Variants in MARCHF1 observed in about 807,000 individuals in gnomAD.
The protein encoded by MARCHF1 is membrane associated ring-CH-type finger 1, also known as E3 ubiquitin-protein ligase MARCHF1.
Under a neutral mutation model 54.2 loss-of-function variants are expected in MARCHF1, and 40 were observed. The ratio of observed to expected loss-of-function variants is 0.74; its 90% CI spans 0.57 to 0.96. The LOEUF is 0.96. Ranked by LOEUF, MARCHF1 falls within the 40% of genes least tolerant of loss-of-function variation. The pLI is 0.00. For synonymous variants in MARCHF1, 236 were observed against 236.3 expected, an observed-to-expected ratio of 1.00 and a Z score of 0.01; for missense variants, 586 against 656.5, an observed-to-expected ratio of 0.89 and a Z score of 1.17.
intron 4 of MARCHF1, among the ~76,000 whole-genome samples, chr4:163,837,703 C>A (rs1042765942): frequency 1.4e-3 from 10 of 7,104 alleles, no homozygotes; most frequent in African/African-American, 3.2e-3. Flanking sequence ...GAAAAACCTA[C>A]AATCATAATG....
chr4:164,105,952 G>A (rs1374293492), intron 2 of MARCHF1, among the ~76,000 whole-genome samples: 75 of 146,530 alleles, frequency 5.1e-4, no homozygotes, highest in South Asian at 1.5e-3. Context: ...AAAAGTGGGC[G>A]AAGGACATGA....
At chr4:164,204,653 T>C (rs990498876) in intron 1 of MARCHF1, among the ~76,000 whole-genome samples, 1 of 152,206 alleles carries the variant, frequency 6.6e-6, no homozygotes, top group African/African-American at 2.4e-5. Context: ...TCAGAAACCC[T>C]GGAATCCTGA....
At chr4:163,633,594 T>C (rs886679375) in intron 5 of MARCHF1, among the ~76,000 whole-genome samples, 6 of 152,144 alleles carry the variant, frequency 3.9e-5, no homozygotes, top group African/African-American at 9.7e-5. Flanking sequence ...TATGGGACTA[T>C]GTAAAAAGAC....
At chr4:164,360,571 C>T (rs1183512185) in intron 1 of MARCHF1, among the ~76,000 whole-genome samples, 4 of 152,204 alleles carry the variant, frequency 2.6e-5, no homozygotes, top group African/African-American at 9.6e-5. Context: ...ATAGGCATCA[C>T]CCAAAGAGTT....
intron 1 of MARCHF1, among the ~76,000 whole-genome samples, chr4:164,199,925 A>G (rs1481120810): frequency 6.6e-6 from 1 of 152,104 alleles, no homozygotes; most frequent in Non-Finnish European, 1.5e-5. Context: ...TGCTCCAGCA[A>G]ACTATTGGAA....
chr4:163,789,782 T>C (rs1747723529), intron 4 of MARCHF1, among the ~76,000 whole-genome samples: 3 of 152,056 alleles, frequency 2.0e-5, no homozygotes, highest in Admixed American at 1.3e-4. Context: ...TTTTATTATT[T>C]GTGAATAAAT....
At chr4:164,177,388 A>G (rs1468024416) in intron 1 of MARCHF1, among the ~76,000 whole-genome samples, 1 of 152,190 alleles carries the variant, frequency 6.6e-6, no homozygotes, top group Non-Finnish European at 1.5e-5. Flanking sequence ...TGAACACAGA[A>G]TCGAGGTTCT....
At chr4:164,351,194 CG>C (rs1184259481) in intron 1 of MARCHF1, among the ~76,000 whole-genome samples, 1 of 150,632 alleles carries the variant, frequency 6.6e-6, no homozygotes, top group Non-Finnish European at 1.5e-5. Flanking sequence ...TAGGGGCGCC[CG>C]CCATTGCCCA....
chr4:164,337,652 C>T (rs1295270653), intron 1 of MARCHF1, among the ~76,000 whole-genome samples: 1 of 152,214 alleles, frequency 6.6e-6, no homozygotes, highest in Non-Finnish European at 1.5e-5. Flanking sequence ...AGCCTACAGA[C>T]ACCCTCAATG....
intron 4 of MARCHF1, among the ~76,000 whole-genome samples, chr4:163,809,886 G>A (rs1445326682): frequency 3.9e-5 from 6 of 152,008 alleles, no homozygotes; most frequent in African/African-American, 1.4e-4. Flanking sequence ...GATTTTTAAT[G>A]AGGTTTATCA....
At chr4:163,623,610 AC>A (rs1741763189) in intron 5 of MARCHF1, among the ~76,000 whole-genome samples, 1 of 152,186 alleles carries the variant, frequency 6.6e-6, no homozygotes, top group Non-Finnish European at 1.5e-5. Flanking sequence ...CATCTCATTG[AC>A]TTTCAGGTGG....
intron 3 of MARCHF1, among the ~76,000 whole-genome samples, chr4:163,892,290 A>T (rs4132055): frequency 0.46 from 69,665 of 151,892 alleles, 16,876 homozygotes; most frequent in Non-Finnish European, 0.54. Context: ...TTAAGTTTTC[A>T]TTTATTTATT....
intron 5 of MARCHF1, among the ~76,000 whole-genome samples, chr4:163,638,529 C>T (rs1303520649): frequency 1.3e-5 from 2 of 152,144 alleles, no homozygotes; most frequent in Admixed American, 6.5e-5. Context: ...CATGCTGGTG[C>T]TGTGCTTCCT....
At chr4:163,570,033 G>A (rs1040012258) in intron 8 of MARCHF1, among the ~76,000 whole-genome samples, 5 of 152,060 alleles carry the variant, frequency 3.3e-5, no homozygotes, top group Non-Finnish European at 7.4e-5. Flanking sequence ...TCTCAATCGT[G>A]CTTACTTTAT....
chr4:163,968,342 TAAATA>T (rs1191194196), intron 3 of MARCHF1, among the ~76,000 whole-genome samples: 2 of 152,230 alleles, frequency 1.3e-5, no homozygotes, highest in East Asian at 3.9e-4. Flanking sequence ...GCAAAATACA[TAAATA>T]AAATAAAGTG....
At chr4:164,030,203 TAAAC>T (rs903764824) in intron 2 of MARCHF1, among the ~76,000 whole-genome samples, 14 of 151,790 alleles carry the variant, frequency 9.2e-5, no homozygotes, top group South Asian at 2.1e-4. Context: ...AAAATCAAAA[TAAAC>T]AAAAATATTT....
intron 1 of MARCHF1, among the ~76,000 whole-genome samples, chr4:164,252,762 ATC>A (rs531456540): frequency 1.5e-4 from 23 of 152,282 alleles, no homozygotes; most frequent in African/African-American, 5.1e-4. Context: ...TAATATAAAA[ATC>A]TAACAATAAT....
chr4:164,213,509 A>C (rs1731839670), intron 1 of MARCHF1, among the ~76,000 whole-genome samples: 1 of 151,914 alleles, frequency 6.6e-6, no homozygotes, highest in Non-Finnish European at 1.5e-5. Context: ...TGCTGGGATT[A>C]CAGGCGTGAG....
At chr4:163,811,255 C>G (rs1046172613) in intron 4 of MARCHF1, among the ~76,000 whole-genome samples, 1 of 51,606 alleles carries the variant, frequency 1.9e-5, no homozygotes, top group Non-Finnish European at 6.3e-5. Flanking sequence ...TTTAGTGGCA[C>G]TAAACATTGT....
Sources: allele counts gnomAD v4.1 joint callset (sites outside exome capture counted in the v4.1 genomes callset), GRCh38; gene constraint gnomAD v4.1.1; transcripts MANE v1.5; gene names NCBI Gene and HGNC (gene_info 2026-07-23, HGNC 2026-07-21).